NKAIN2: variants seen among roughly 807,000 people sequenced by gnomAD.
NKAIN2 encodes sodium/potassium-transporting ATPase subunit beta-1-interacting protein 2.
NKAIN2 carries 14 observed loss-of-function variants against 32.6 expected under a neutral mutation model. The observed-to-expected ratio is 0.43, with a 90% CI of 0.28 to 0.67. The LOEUF is 0.67. Among genes scored for constraint, NKAIN2 ranks in the 30% least tolerant of loss-of-function variants. NKAIN2 has a pLI of 0.17. For missense variants in NKAIN2, 198 were observed against 258.3 expected (o/e 0.77, Z 1.60); for synonymous variants, 80 against 87.2 (o/e 0.92, Z 0.46).
intron 1 of NKAIN2, among the ~76,000 whole-genome samples, chr6:124,066,928 C>T (rs939221038): frequency 6.6e-6 from 1 of 151,566 alleles, no homozygotes; most frequent in Non-Finnish European, 1.5e-5. Context: ...AAACTCCCAG[C>T]TTGAGACTAT....
At chr6:124,103,914 C>T (rs529726187) in intron 1 of NKAIN2, among the ~76,000 whole-genome samples, 104 of 152,008 alleles carry the variant, frequency 6.8e-4, no homozygotes, top group South Asian at 2.5e-3. Flanking sequence ...GGTGAAACCC[C>T]GTCTCTACTA....
intron 1 of NKAIN2, among the ~76,000 whole-genome samples, chr6:124,026,365 G>GCA: frequency 6.9e-6 from 1 of 145,880 alleles, no homozygotes; most frequent in Middle Eastern, 3.6e-3. Flanking sequence ...TTAGTGAATT[G>GCA]CAGGGCTGTC....
chr6:124,411,564 T>A (rs201272930), intron 3 of NKAIN2, among the ~76,000 whole-genome samples: 5 of 151,866 alleles, frequency 3.3e-5, no homozygotes, highest in East Asian at 1.9e-4. Flanking sequence ...GTTAGTCTGA[T>A]GGGCTTCCTT....
At chr6:124,418,756 A>G (rs1326718369) in intron 3 of NKAIN2, among the ~76,000 whole-genome samples, 1 of 151,478 alleles carries the variant, frequency 6.6e-6, no homozygotes, top group African/African-American at 2.4e-5. Flanking sequence ...CTCCCTAACA[A>G]TGTGTTTTTC....
At chr6:124,490,737 T>C (rs188310199) in intron 3 of NKAIN2, among the ~76,000 whole-genome samples, 1 of 151,864 alleles carries the variant, frequency 6.6e-6, no homozygotes, top group Admixed American at 6.6e-5. Flanking sequence ...AGCATAGAAA[T>C]TGATAGTATT....
intron 4 of NKAIN2, among the ~76,000 whole-genome samples, chr6:124,670,645 CTGTGTGTG>C (rs57300688): frequency 2.4e-5 from 3 of 123,796 alleles, no homozygotes; most frequent in East Asian, 2.9e-4. Context: ...TCTTTGCTTT[CTGTGTGTG>C]TGTGTGTGTG....
chr6:124,718,714 C>T (rs1017935049), intron 4 of NKAIN2, among the ~76,000 whole-genome samples: 1 of 152,126 alleles, frequency 6.6e-6, no homozygotes, highest in East Asian at 1.9e-4. Flanking sequence ...CTCTGAGCCT[C>T]GGTTTTTTTC....
intron 3 of NKAIN2, among the ~76,000 whole-genome samples, chr6:124,553,013 G>A (rs1221297167): frequency 6.6e-6 from 1 of 152,114 alleles, no homozygotes; most frequent in Non-Finnish European, 1.5e-5. Flanking sequence ...GATTTAAAGG[G>A]AAAAACAAAA....
chr6:124,067,650 A>G (rs1198329332), intron 1 of NKAIN2, among the ~76,000 whole-genome samples: 1 of 152,180 alleles, frequency 6.6e-6, no homozygotes, highest in Non-Finnish European at 1.5e-5. Context: ...CTTAGGTTGT[A>G]TTCAATTTCT....
At chr6:124,596,679 TGTGTGTGTGTGTGTGTGTGTGTAA>T (rs1782104264) in intron 3 of NKAIN2, among the ~76,000 whole-genome samples, 1 of 151,222 alleles carries the variant, frequency 6.6e-6, no homozygotes, top group Admixed American at 6.6e-5. Context: ...TGTGTGTGTG[TGTGTGTGTGTGTGTGTGTGTGTAA>T]GTGTGTGTAA....
chr6:124,307,841 T>C (rs1583025161), intron 2 of NKAIN2, among the ~76,000 whole-genome samples: 1 of 152,188 alleles, frequency 6.6e-6, no homozygotes, highest in South Asian at 2.1e-4. Context: ...CAAGTTTTAT[T>C]TGGAACTAAA....
intron 1 of NKAIN2, among the ~76,000 whole-genome samples, chr6:123,861,284 A>T (rs1775776844): frequency 6.6e-6 from 1 of 152,262 alleles, no homozygotes; most frequent in Non-Finnish European, 1.5e-5. Flanking sequence ...ATTTCATTTT[A>T]GTAGCATATT....
At chr6:124,536,119 A>G (rs1267117268) in intron 3 of NKAIN2, among the ~76,000 whole-genome samples, 1 of 152,190 alleles carries the variant, frequency 6.6e-6, no homozygotes, top group Non-Finnish European at 1.5e-5. Context: ...TCGCTCAAAA[A>G]ATTCAAACGC....
intron 3 of NKAIN2, among the ~76,000 whole-genome samples, chr6:124,651,093 C>G (rs977513070): frequency 1.3e-5 from 2 of 151,708 alleles, no homozygotes; most frequent in African/African-American, 4.9e-5. Context: ...AGTCCAAAAC[C>G]CAATAGGGCA....
intron 1 of NKAIN2, among the ~76,000 whole-genome samples, chr6:124,040,725 T>C (rs1781831832): frequency 6.6e-6 from 1 of 152,036 alleles, no homozygotes; most frequent in Non-Finnish European, 1.5e-5. Flanking sequence ...CATGTGGCTC[T>C]TCTTGCATTC....
chr6:124,182,273 T>C (rs906210333), intron 1 of NKAIN2, among the ~76,000 whole-genome samples: 4 of 152,200 alleles, frequency 2.6e-5, no homozygotes, highest in Non-Finnish European at 4.4e-5. Flanking sequence ...GTGGGAATTA[T>C]GGGAGCTACA....
chr6:124,694,031 C>A (rs1056188361), intron 4 of NKAIN2, among the ~76,000 whole-genome samples: 1 of 152,130 alleles, frequency 6.6e-6, no homozygotes, highest in Non-Finnish European at 1.5e-5. Flanking sequence ...AAATCAGTAA[C>A]CCAAGTCAAT....
intron 3 of NKAIN2, among the ~76,000 whole-genome samples, chr6:124,645,609 C>T (rs1429071828): frequency 6.6e-6 from 1 of 152,104 alleles, no homozygotes; most frequent in Admixed American, 6.5e-5. Flanking sequence ...GGCACTGCCC[C>T]ATCATCTTAT....
chr6:124,234,661 T>G (rs1470670695), intron 1 of NKAIN2, among the ~76,000 whole-genome samples: 1 of 152,170 alleles, frequency 6.6e-6, no homozygotes, highest in Non-Finnish European at 1.5e-5. Context: ...TCAATTTTAT[T>G]ACATATTTTT....
Sources: allele counts gnomAD v4.1 joint callset (sites outside exome capture counted in the v4.1 genomes callset), GRCh38; gene constraint gnomAD v4.1.1; transcripts MANE v1.5; gene names NCBI Gene and HGNC (gene_info 2026-07-23, HGNC 2026-07-21).